Variants in PGBD5 observed in about 807,000 individuals in gnomAD.
PGBD5 encodes piggyBac transposable element-derived protein 5.
In PGBD5, 14 loss-of-function variants were observed where a neutral mutation model predicts 47.9. The observed-to-expected ratio is 0.29, with a 90% CI of 0.19 to 0.46. PGBD5 has a LOEUF of 0.46. Ranked by LOEUF, PGBD5 falls within the 20% of genes least tolerant of loss-of-function variation. The probability of loss-of-function intolerance (pLI) is 1.00; values close to 1 mark genes in which losing one functional copy is unlikely to be tolerated. For missense variants in PGBD5, 635 were observed against 716.0 expected (o/e 0.89, Z 1.29); for synonymous variants, 316 against 306.3 (o/e 1.03, Z -0.33).
intron 3 of PGBD5, among the ~76,000 whole-genome samples, chr1:230,346,334 C>T (rs1277767007): frequency 6.6e-6 from 1 of 152,190 alleles, no homozygotes; most frequent in South Asian, 2.1e-4. Flanking sequence ...AGCCACTGTG[C>T]TTAACCTGAC....
chr1:230,372,050 G>A (rs1469568091), intron 1 of PGBD5, among the ~76,000 whole-genome samples: 1 of 152,182 alleles, frequency 6.6e-6, no homozygotes, highest in African/African-American at 2.4e-5. Context: ...TCATCTAAGC[G>A]TTCCAATACA....
chr1:230,362,521 G>C (rs1407362329), intron 1 of PGBD5: 1 of 1,150,784 alleles, frequency 8.7e-7, no homozygotes, highest in Non-Finnish European at 1.1e-6. Context: ...CACCTTCTGG[G>C]GGAACCTCCT....
chr1:230,384,707 G>T (rs975022177), intron 1 of PGBD5, among the ~76,000 whole-genome samples: 20 of 152,190 alleles, frequency 1.3e-4, no homozygotes, highest in African/African-American at 4.8e-4. Context: ...TGACTCTCAC[G>T]ACACCACGCG....
Position 230,350,940 on chromosome 1 carries a change from G to A in PGBD5, c.894+18C>T. ...GACCCTCTTCACCGACCCTCCCCGG[G>A]CTCAGCCCAGGGCTCACCTGGATGA... On this transcript the variant is annotated intron_variant, in intron 3 of 6. Coordinates refer to ENST00000391860, the MANE Select transcript of PGBD5 (RefSeq NM_001258311.2). 1.2e-6 allele frequency: 2 copies of A among 1,612,334 alleles called. No homozygotes were observed. Among genetic ancestry groups the A allele is most frequent in the Non-Finnish European group, 1.7e-6 (2 of 1,179,278 alleles).
chr1:230,359,380 A>G (rs528478557), intron 1 of PGBD5, among the ~76,000 whole-genome samples: 1 of 152,300 alleles, frequency 6.6e-6, no homozygotes, highest in Non-Finnish European at 1.5e-5. Context: ...TCGATTGCTA[A>G]CAAAAGTTGT....
intron 1 of PGBD5, among the ~76,000 whole-genome samples, chr1:230,368,695 G>T (rs1402685968): frequency 1.3e-5 from 2 of 152,228 alleles, no homozygotes; most frequent in Non-Finnish European, 2.9e-5. Flanking sequence ...AAAGACACAG[G>T]GACAGGGTCG....
chr1:230,381,038 C>T (rs185560738), intron 1 of PGBD5, among the ~76,000 whole-genome samples: 20 of 152,364 alleles, frequency 1.3e-4, no homozygotes, highest in Non-Finnish European at 2.6e-4. Flanking sequence ...ACACCATCCA[C>T]GTGCACAGTG....
intron 1 of PGBD5, among the ~76,000 whole-genome samples, chr1:230,378,345 G>A (rs1466856494): frequency 6.6e-6 from 1 of 152,206 alleles, no homozygotes; most frequent in Non-Finnish European, 1.5e-5. Context: ...TTAATGCTGA[G>A]TACAAAGATA....
At chr1:230,366,112 G>A (rs1667828775) in intron 1 of PGBD5, among the ~76,000 whole-genome samples, 1 of 150,854 alleles carries the variant, frequency 6.6e-6, no homozygotes. Context: ...GAGGGGACAG[G>A]GCTAATCCAT....
At chr1:230,394,608 A>G (rs538731542) in intron 1 of PGBD5, among the ~76,000 whole-genome samples, 1 of 116,866 alleles carries the variant, frequency 8.6e-6, no homozygotes, top group Admixed American at 9.9e-5. Context: ...TCCATCCCCG[A>G]GCTCCTCTCT....
In PGBD5 at chr1:230,348,928, C is replaced by T. The variant is rs114202982; in HGVS notation, c.894+2030G>A. On this transcript the variant is annotated intron_variant, in intron 3 of 6. Transcript: ENST00000391860. The stretch of plus-strand genomic sequence containing the variant: ...GCCCCTGGCAATGGTGGAAGCTACG[C>T]TGCTTTTGACTGGGAGTTGTCAGCT... Among the ~76,000 whole-genome samples, 1,488 of 152,360 alleles carry T rather than the reference C, an allele frequency of 9.8e-3. 10 individuals are homozygous for T. Among genetic ancestry groups the T allele is most frequent in the Non-Finnish European group, 0.016 (1,072 of 68,036 alleles).
chr1:230,363,307 C>G (rs1223598414), intron 1 of PGBD5, among the ~76,000 whole-genome samples: 2 of 152,194 alleles, frequency 1.3e-5, no homozygotes, highest in Non-Finnish European at 2.9e-5. Flanking sequence ...TTTGGCCAGG[C>G]ATGGTGGCTC....
intron 3 of PGBD5, among the ~76,000 whole-genome samples, chr1:230,348,488 G>A (rs534605012): frequency 1.4e-4 from 22 of 152,286 alleles, no homozygotes; most frequent in Admixed American, 9.1e-4. Context: ...GGATCAACAC[G>A]GCCTGCTCTC....
At position 230,413,060 on chromosome 1, in the gene PGBD5, A is replaced by C. The variant is rs373000128; in HGVS notation, c.331+12538T>G. Among the ~76,000 whole-genome samples the C allele has an allele frequency of 1.1e-4, 17 of 150,908 alleles. No individual in the cohort carries two copies. In the East Asian group the frequency reaches 2.5e-3, roughly 22 times the overall value. On this transcript the variant is annotated intron_variant, in intron 1 of 6. Coordinates refer to ENST00000391860, the MANE Select transcript of PGBD5 (RefSeq NM_001258311.2). ...AAAACCAGTATTTTTTCTCATCAAC[A>C]TTATAACAAAAAGACATTATTCAAG... is the stretch of plus-strand genomic sequence containing the variant.
At chr1:230,367,111 T>TC (rs1667847975) in intron 1 of PGBD5, among the ~76,000 whole-genome samples, 2 of 151,906 alleles carry the variant, frequency 1.3e-5, no homozygotes, top group African/African-American at 2.4e-5. Flanking sequence ...TTCTCAGCTT[T>TC]CTCCCTCCCC....
chr1:230,372,291 A>G (rs1396825128), intron 1 of PGBD5, among the ~76,000 whole-genome samples: 3 of 152,132 alleles, frequency 2.0e-5, no homozygotes, highest in Admixed American at 2.0e-4. Context: ...TTGCTGGTGA[A>G]TTTTTCTGTA....
intron 1 of PGBD5, among the ~76,000 whole-genome samples, chr1:230,363,042 G>A (rs1667773007): frequency 6.6e-6 from 1 of 152,122 alleles, no homozygotes; most frequent in Non-Finnish European, 1.5e-5. Context: ...GGTGAGAGAT[G>A]GCCTGAGAAT....
intron 1 of PGBD5, among the ~76,000 whole-genome samples, chr1:230,359,058 T>C (rs566040118): frequency 6.6e-6 from 1 of 152,228 alleles, no homozygotes; most frequent in South Asian, 2.1e-4. Flanking sequence ...CATCTGTATA[T>C]TGATTTTTCT....
chr1:230,397,580 T>A (rs1353123507), intron 1 of PGBD5, among the ~76,000 whole-genome samples: 1 of 152,220 alleles, frequency 6.6e-6, no homozygotes, highest in Non-Finnish European at 1.5e-5. Flanking sequence ...AACAATGATA[T>A]AAAAGTAATT....
Sources: gnomAD v4.1 joint callset for allele counts (sites outside exome capture counted in the v4.1 genomes callset) on GRCh38, gnomAD v4.1.1 for gene constraint, MANE v1.5 for transcripts, NCBI Gene and HGNC (gene_info 2026-07-23, HGNC 2026-07-21) for gene names.